SDCCAG8: variants seen among roughly 807,000 people sequenced by gnomAD.
SDCCAG8 encodes the protein SHH signaling and ciliogenesis regulator SDCCAG8.
Under a neutral mutation model 101.8 loss-of-function variants are expected in SDCCAG8, and 74 were observed. The ratio of observed to expected loss-of-function variants is 0.73; its 90% CI spans 0.60 to 0.88. The LOEUF (loss-of-function observed/expected upper bound fraction) is 0.88, where lower values mean the gene tolerates loss of function less well. Ranked by LOEUF, SDCCAG8 falls within the 40% of genes least tolerant of loss-of-function variation. The pLI is 0.00. For missense variants in SDCCAG8, 787 were observed against 822.6 expected, an observed-to-expected ratio of 0.96 and a Z score of 0.53; for synonymous variants, 281 against 292.9, an observed-to-expected ratio of 0.96 and a Z score of 0.41.
At chr1:243,332,854 G>T (rs930036235) in intron 10 of SDCCAG8, among the ~76,000 whole-genome samples, 1 of 152,052 alleles carries the variant, frequency 6.6e-6, no homozygotes, top group African/African-American at 2.4e-5. Flanking sequence ...GTCTGGAGGT[G>T]GTTATCGTAG....
intron 16 of SDCCAG8, chr1:243,488,561 G>A: frequency 9.4e-6 from 2 of 212,090 alleles, no homozygotes; most frequent in Admixed American, 5.3e-5. Flanking sequence ...CAGCGATGCC[G>A]GAGCTCGTGA....
At chr1:243,334,856 A>G (rs947538663) in intron 10 of SDCCAG8, among the ~76,000 whole-genome samples, 6 of 152,138 alleles carry the variant, frequency 3.9e-5, no homozygotes, top group African/African-American at 1.4e-4. Flanking sequence ...TCAACGTGCT[A>G]GGATTACAGG....
intron 16 of SDCCAG8, among the ~76,000 whole-genome samples, chr1:243,429,070 T>C (rs1573990538): frequency 6.6e-6 from 1 of 152,124 alleles, no homozygotes; most frequent in Non-Finnish European, 1.5e-5. Context: ...TGGAAGTACT[T>C]CCAAGAAGCA....
intron 12 of SDCCAG8, among the ~76,000 whole-genome samples, chr1:243,371,062 A>C (rs769047579): frequency 2.0e-5 from 3 of 152,102 alleles, no homozygotes; most frequent in Non-Finnish European, 4.4e-5. Context: ...TCTCCTGCAG[A>C]AATGCTTCTT....
chr1:243,268,090 A>G (rs2067780125), intron 1 of SDCCAG8: 15 of 717,876 alleles, frequency 2.1e-5, no homozygotes, highest in South Asian at 1.8e-4. Context: ...TCATGGTTGT[A>G]TAGTTCCTCA....
chr1:243,385,950 C>T (rs578006978), intron 13 of SDCCAG8, among the ~76,000 whole-genome samples: 2 of 152,328 alleles, frequency 1.3e-5, no homozygotes, highest in African/African-American at 2.4e-5. Flanking sequence ...GACTGGGCAA[C>T]AAGAGTGAAG....
intron 15 of SDCCAG8, among the ~76,000 whole-genome samples, chr1:243,425,571 G>A (rs2081285443): frequency 6.6e-6 from 1 of 151,796 alleles, no homozygotes; most frequent in Non-Finnish European, 1.5e-5. Context: ...TCATTAACCT[G>A]AAAACGACTC....
At chr1:243,270,040 G>T in intron 1 of SDCCAG8, 65 bp from the exon 2 acceptor site, 2 of 1,611,830 alleles carry the variant, frequency 1.2e-6, no homozygotes, top group South Asian at 1.1e-5. Flanking sequence ...CTGCCTTCCT[G>T]AGTAAGTGTC....
At chr1:243,270,864 A>G (rs2068024892) in intron 2 of SDCCAG8, 114 bp from the exon 3 acceptor site, 1 of 766,268 alleles carries the variant, frequency 1.3e-6, no homozygotes, top group Non-Finnish European at 2.4e-6. Context: ...AGTTGATAGC[A>G]GAATTCTTGA....
At chr1:243,489,307 C>T (rs1003481079) in intron 17 of SDCCAG8, among the ~76,000 whole-genome samples, 167 bp downstream of exon 17, 1 of 152,204 alleles carries the variant, frequency 6.6e-6, no homozygotes. Context: ...CCCAGAGAAG[C>T]GGAGCCATGG....
At chr1:243,279,460 T>C (rs2068848575) in intron 4 of SDCCAG8, among the ~76,000 whole-genome samples, 1 of 152,254 alleles carries the variant, frequency 6.6e-6, no homozygotes, top group African/African-American at 2.4e-5. Context: ...CATGAGAGAA[T>C]ATTATACTAC....
At chr1:243,310,237 A>G (rs1368379966) in intron 8 of SDCCAG8, among the ~76,000 whole-genome samples, 1 of 152,054 alleles carries the variant, frequency 6.6e-6, no homozygotes, top group Non-Finnish European at 1.5e-5. Flanking sequence ...TATGTTGTTA[A>G]TTTATTCATA....
At chr1:243,258,869 GGTTT>G (rs1436969097) in intron 1 of SDCCAG8, among the ~76,000 whole-genome samples, 1 of 152,034 alleles carries the variant, frequency 6.6e-6, no homozygotes, top group Non-Finnish European at 1.5e-5. Context: ...TGGTTTTGTT[GGTTT>G]GTTTGGTTTT....
chr1:243,480,717 A>G (rs1416711411), intron 16 of SDCCAG8, among the ~76,000 whole-genome samples: 3 of 51,032 alleles, frequency 5.9e-5, no homozygotes, highest in African/African-American at 8.1e-5. Flanking sequence ...GGATGGATGG[A>G]TGGGTGGGAT....
intron 6 of SDCCAG8, among the ~76,000 whole-genome samples, chr1:243,294,698 C>A (rs1573032389): frequency 2.2e-5 from 1 of 46,008 alleles, no homozygotes; most frequent in Non-Finnish European, 5.4e-5. Context: ...TTCTAAATTC[C>A]CCCCCCCCCC....
At chr1:243,479,176 G>A (rs1329682172) in intron 16 of SDCCAG8, among the ~76,000 whole-genome samples, 1 of 152,174 alleles carries the variant, frequency 6.6e-6, no homozygotes, top group Non-Finnish European at 1.5e-5. Context: ...ATGACCTAGA[G>A]CAGTAATTGC....
Position 243,286,303 on chromosome 1 carries a change from A to G in SDCCAG8, c.452A>G (p.Gln151Arg). 3.7e-6 allele frequency: 6 copies of G among 1,614,068 alleles called. No individual in the cohort carries two copies. Among genetic ancestry groups the G allele is most frequent in the Non-Finnish European group, 5.1e-6 (6 of 1,179,890 alleles). The change falls in exon 5 of 18, where the codon CAA (glutamine) becomes CGA (arginine). Residue 151 changes from glutamine to arginine, a missense_variant. Physicochemically the swap from Gln to Arg is conservative, Grantham distance 43. Transcript: ENST00000366541. The part of the protein sequence containing the change: ...EELSGMKNKI[Q>R]VVVLENEGLQ... ...CTCTCTGGAATGAAAAATAAAATAC[A>G]AGTAGTTGTGCTTGAAAACGAAGGG...
At chr1:243,406,294 A>T (rs1287270007) in intron 13 of SDCCAG8, among the ~76,000 whole-genome samples, 1 of 152,200 alleles carries the variant, frequency 6.6e-6, no homozygotes, top group African/African-American at 2.4e-5. Flanking sequence ...ATAATAGGAT[A>T]CAGTAGTGCT....
intron 17 of SDCCAG8, among the ~76,000 whole-genome samples, chr1:243,494,147 C>T (rs1269291967): frequency 6.6e-6 from 1 of 152,166 alleles, no homozygotes; most frequent in Non-Finnish European, 1.5e-5. Flanking sequence ...AAAAAGCCTC[C>T]TCCTGAACCA....
Sources: gnomAD v4.1 joint callset for allele counts (sites outside exome capture counted in the v4.1 genomes callset) on GRCh38, gnomAD v4.1.1 for gene constraint, MANE v1.5 for transcripts, NCBI Gene and HGNC (gene_info 2026-07-23, HGNC 2026-07-21) for gene names.